AKAP9: variants seen among roughly 807,000 people sequenced by gnomAD.
AKAP9 encodes the protein A-kinase anchor protein 9.
AKAP9 carries 311 observed loss-of-function variants against 488.5 expected under a neutral mutation model. The observed-to-expected ratio is 0.64, with a 90% CI of 0.58 to 0.70. The LOEUF is 0.70. Ranked by LOEUF, AKAP9 falls within the 30% of genes least tolerant of loss-of-function variation. The pLI is 0.00. For synonymous variants in AKAP9, 1,462 were observed against 1,483.5 expected, an observed-to-expected ratio of 0.99 and a Z score of 0.33; for missense variants, 4,215 against 4,374.5, an observed-to-expected ratio of 0.96 and a Z score of 1.03.
rs773615629 is a variant in AKAP9, at chr7:91,947,489, C to CCAA, written c.48+6343_48+6344insAAC. Reference sequence around the variant, plus strand: ...TCCCGAGTAGCTGGGACTACAGGCGCCCACCACCACACCCGGCTAGGTTTT... The same window carrying CCAA: ...TCCCGAGTAGCTGGGACTACAGGCGCCAACCACCACCACACCCGGCTAGGTTTT... On this transcript the variant is annotated intron_variant, in intron 1 of 49. Transcript: ENST00000356239. Among the ~76,000 whole-genome samples, 142 of 151,998 alleles carry CCAA rather than the reference C, an allele frequency of 9.3e-4. 1 individual carries two copies. The highest frequency in any genetic ancestry group is 1.6e-3 in the Non-Finnish European group (107 of 67,988).
chr7:91,941,835 C>G (rs915982695), intron 1 of AKAP9, among the ~76,000 whole-genome samples: 34 of 151,660 alleles, frequency 2.2e-4, no homozygotes, highest in African/African-American at 6.1e-4. Context: ...TATAGAATTC[C>G]TGCTTTAAAT....
At chr7:92,066,251 TG>T (rs1428972469) in intron 25 of AKAP9, among the ~76,000 whole-genome samples, 175 bp from the exon 26 acceptor site, 2 of 152,190 alleles carry the variant, frequency 1.3e-5, no homozygotes, top group Non-Finnish European at 2.9e-5. Context: ...ATAGGCTATA[TG>T]GCATATAAAA....
chr7:92,004,811 C>A (rs1161953229), intron 8 of AKAP9, among the ~76,000 whole-genome samples: 1 of 152,160 alleles, frequency 6.6e-6, no homozygotes, highest in Non-Finnish European at 1.5e-5. Context: ...CCCTTTATTT[C>A]TTTCTCCTGC....
chr7:91,982,360 G>A (rs1390792569), intron 3 of AKAP9, among the ~76,000 whole-genome samples: 2 of 151,498 alleles, frequency 1.3e-5, no homozygotes, highest in Non-Finnish European at 2.9e-5. Context: ...CCCCTCGACA[G>A]GCCCCCATGT....
At chr7:92,043,762 ACTT>A (rs1806517581) in intron 20 of AKAP9, among the ~76,000 whole-genome samples, 1 of 152,216 alleles carries the variant, frequency 6.6e-6, no homozygotes, top group South Asian at 2.1e-4. Flanking sequence ...CTAACGGAAA[ACTT>A]CTCCATTTAT....
chr7:92,039,056 C>T (rs1357529999), intron 17 of AKAP9, among the ~76,000 whole-genome samples: 3 of 152,118 alleles, frequency 2.0e-5, no homozygotes, highest in Admixed American at 6.5e-5. Context: ...CATGCGCGTG[C>T]CACCACATCC....
intron 24 of AKAP9, among the ~76,000 whole-genome samples, chr7:92,063,883 C>G (rs972955657): frequency 6.6e-6 from 1 of 152,012 alleles, no homozygotes; most frequent in Non-Finnish European, 1.5e-5. Flanking sequence ...TGGGTTCAAG[C>G]GATTCTTCCA....
chr7:92,029,780 G>T, intron 14 of AKAP9, 115 bp from the exon 15 acceptor site: 1 of 810,270 alleles, frequency 1.2e-6, no homozygotes, highest in South Asian at 1.4e-5. Flanking sequence ...TATAACCCTA[G>T]ACTCATTTTT....
At chr7:92,085,746 CATTATAA>C (rs1438390731) in intron 36 of AKAP9, 60 bp downstream of exon 36, 9 of 1,186,098 alleles carry the variant, frequency 7.6e-6, no homozygotes, top group Non-Finnish European at 7.1e-6. Flanking sequence ...AATAATAATA[CATTATAA>C]ATTAAATTAT....
At chr7:92,057,994 C>T (rs569807283) in intron 22 of AKAP9, 1 of 234,016 alleles carries the variant, frequency 4.3e-6, no homozygotes, top group African/African-American at 2.2e-5. Context: ...CCTGGACTTT[C>T]CCCTTCCTTT....
chr7:91,964,469 G>A (rs1363315557), intron 1 of AKAP9, among the ~76,000 whole-genome samples: 1 of 152,046 alleles, frequency 6.6e-6, no homozygotes, highest in East Asian at 1.9e-4. Context: ...TCCTGATCCA[G>A]TATTAAAAAC....
At position 92,097,668 on chromosome 7, in the gene AKAP9, A is replaced by C; in HGVS notation, c.10481A>C (p.Asn3494Thr). The change falls in exon 42 of 50, where the codon AAC (asparagine) becomes ACC (threonine). Residue 3494 changes from asparagine (N) to threonine (T), a missense_variant. By Grantham distance (65) the Asn-to-Thr change is moderately conservative (BLOSUM62 0). Around this residue, in one of 5 missense-constraint regions of AKAP9, gnomAD observed 1,476 missense variants for 1,477.4 expected, o/e 1.00. Transcript: ENST00000356239. ...ATAGAAGGAGAAACAAAAGAATCAA[A>C]CTACGCTAAATTGATTGAAATGAAT... ...QKIEGETKES[N>T]YAKLIEMNGG... 6.2e-7 allele frequency: 1 copy of C among 1,614,132 alleles called. No individual in the cohort carries two copies. The highest frequency in any genetic ancestry group is 8.5e-7 in the Non-Finnish European group (1 of 1,179,962).
At position 92,000,997 on chromosome 7, in the gene AKAP9, A is replaced by G; in HGVS notation, c.1080A>G (p.Gly360=). 3.2e-6 allele frequency: 5 copies of G among 1,547,398 alleles called. No homozygotes were observed. The highest frequency in any genetic ancestry group is 4.4e-6 in the Non-Finnish European group (5 of 1,148,168). Reference sequence around the variant, plus strand: ...TAACAACTGCTGATAAATTACTAGGAGAATTACAAGAACAGATTGTGCAAA... The same window carrying G: ...TAACAACTGCTGATAAATTACTAGGGGAATTACAAGAACAGATTGTGCAAA... ...DKLTTADKLL[G]ELQEQIVQKN... The change falls in exon 8 of 50, where the codon GGA becomes GGG. Residue 360 remains glycine, a synonymous_variant. Coordinates refer to ENST00000356239, the MANE Select transcript of AKAP9 (RefSeq NM_005751.5).
At chr7:92,078,659 A>C (rs546023120) in intron 30 of AKAP9, among the ~76,000 whole-genome samples, 2 of 152,054 alleles carry the variant, frequency 1.3e-5, no homozygotes, top group African/African-American at 4.8e-5. Flanking sequence ...ATAGGATTCT[A>C]ATGTTTTTCA....
At position 91,941,296 on chromosome 7, in the gene AKAP9, G is replaced by C. The variant is rs747787203; in HGVS notation, c.48+149G>C. ...GGTCTTAGGGTCTGCATCTCTCCTC[G>C]CCCTCCTCCTTTCCCCTTTTTCCAG... is the stretch of plus-strand genomic sequence containing the variant. On this transcript the variant is annotated intron_variant, in intron 1 of 49. Transcript: ENST00000356239. 5 of 670,012 alleles carry C rather than the reference G, an allele frequency of 7.5e-6. No homozygotes were observed. In the South Asian group the frequency reaches 7.8e-5, roughly 10 times the overall value. 41.5% of individuals were successfully genotyped at this position (670,012 alleles called of 1,614,324 possible).
At chr7:91,962,318 G>A (rs1236213158) in intron 1 of AKAP9, among the ~76,000 whole-genome samples, 1 of 152,098 alleles carries the variant, frequency 6.6e-6, no homozygotes, top group Non-Finnish European at 1.5e-5. Context: ...TTATTTTTCT[G>A]AGAATTTAAA....
At chr7:92,016,336 C>A in intron 11 of AKAP9, 69 bp downstream of exon 11, 1 of 1,169,674 alleles carries the variant, frequency 8.5e-7, no homozygotes, top group Non-Finnish European at 1.2e-6. Context: ...CAGATTTTTA[C>A]TTTTGATTAT....
chr7:92,081,489 A>ATT lies in AKAP9; in HGVS notation c.8020-1032_8020-1031insTT, dbSNP rs1371738667. On this transcript the variant is annotated intron_variant, in intron 31 of 49. Transcript: ENST00000356239. ...CCGGCTAATTTATATATATATATAT[A>ATT]TATATATATTTTTTTTTTTTTAGTA... Among the ~76,000 whole-genome samples the ATT allele has an allele frequency of 6.1e-5, 7 of 115,432 alleles. 1 individual carries two copies. Among genetic ancestry groups the ATT allele is most frequent in the South Asian group, 5.4e-4 (2 of 3,690 alleles). The allele number at this position is 115,432 out of a possible 152,430, so 75.7% of individuals were successfully genotyped here. A position where few individuals can be genotyped will look rare whatever the true frequency, so the allele number is the denominator to read the frequency against.
intron 24 of AKAP9, among the ~76,000 whole-genome samples, chr7:92,064,818 A>G (rs562519501): frequency 2.3e-4 from 35 of 152,302 alleles, no homozygotes; most frequent in African/African-American, 8.4e-4. Flanking sequence ...GTATGCAAAT[A>G]AAATTGACTT....
Sources: allele counts gnomAD v4.1 joint callset (sites outside exome capture counted in the v4.1 genomes callset), GRCh38; gene constraint gnomAD v4.1.1; regional missense constraint gnomAD v4.1.1; transcripts MANE v1.5; gene names NCBI Gene and HGNC (gene_info 2026-07-23, HGNC 2026-07-21).